Variants in CTCF observed in about 807,000 individuals in gnomAD.
CTCF encodes CCCTC-binding factor.
In CTCF, 7 loss-of-function variants were observed where a neutral mutation model predicts 72.3. The observed-to-expected ratio is 0.10, with a 90% CI of 0.06 to 0.18. The LOEUF is 0.18. CTCF is among the 10% of genes least tolerant of loss of function. The pLI is 1.00. For synonymous variants in CTCF, 374 were observed against 315.8 expected (o/e 1.18, Z -1.95); for missense variants, 516 against 949.1 (o/e 0.54, Z 6.00).
chr16:67,636,752 C>T lies in CTCF; in HGVS notation c.1900C>T (p.Pro634Ser). ...DEEEPAVEIE[P>S]EPEPQPVTPA... is the part of the protein sequence containing the mutation. Reference sequence around the variant, plus strand: ...GGAGGAGCCTGCCGTAGAAATTGAACCTGAGCCAGAGCCTCAGCCTGTGAC... The same window carrying T: ...GGAGGAGCCTGCCGTAGAAATTGAATCTGAGCCAGAGCCTCAGCCTGTGAC... Residue 634 changes from proline (P) to serine (S), a missense_variant, in exon 11 of 12, where the codon CCT becomes TCT. Around this residue, in one of 7 missense-constraint regions of CTCF, gnomAD observed 157 missense variants for 172.9 expected, o/e 0.91. Transcript: ENST00000264010. The T allele has an allele frequency of 6.2e-7, 1 of 1,609,292 alleles. No homozygotes were observed.
chr16:67,603,781 C>G (rs537632860), intron 2 of CTCF, among the ~76,000 whole-genome samples: 1 of 145,860 alleles, frequency 6.9e-6, no homozygotes, highest in African/African-American at 2.6e-5. Flanking sequence ...GCTGAGATCG[C>G]GCCACTGCAC....
intron 10 of CTCF, among the ~76,000 whole-genome samples, chr16:67,633,123 A>T (rs1300385890): frequency 2.0e-5 from 3 of 152,206 alleles, no homozygotes; most frequent in African/African-American, 7.2e-5. Context: ...ACCCTCATTC[A>T]ATGAAGTACT....
rs533085361 is a variant in CTCF at position 67,567,057 on chromosome 16, G to A, written c.-126-4091G>A. ...GGGTTTTGTCATGTTGCCTAGGCTG[G>A]TCTCAAACTCGTGGCCTCAAGCAGT... On this transcript the variant is annotated intron_variant, in intron 1 of 11. Transcript: ENST00000264010. Among the ~76,000 whole-genome samples the A allele has an allele frequency of 5.9e-5, 9 of 151,746 alleles. No homozygotes were observed. The South Asian group carries it at 1.5e-3, about 25-fold the overall frequency.
chr16:67,626,881 A>G (rs2052294966), intron 8 of CTCF, 166 bp downstream of exon 8: 2 of 431,764 alleles, frequency 4.6e-6, no homozygotes, highest in South Asian at 1.1e-4. Flanking sequence ...CAATTGTGTC[A>G]TCCCGGTGTC....
chr16:67,624,469 A>G (rs2052254478), intron 7 of CTCF, among the ~76,000 whole-genome samples: 1 of 151,948 alleles, frequency 6.6e-6, no homozygotes, highest in Admixed American at 6.6e-5. Context: ...CCTTTGAAAC[A>G]CTTTCTTCCC....
intron 2 of CTCF, among the ~76,000 whole-genome samples, chr16:67,595,206 C>T (rs908947377): frequency 6.6e-6 from 1 of 152,166 alleles, no homozygotes; most frequent in African/African-American, 2.4e-5. Flanking sequence ...TCTGTCTCTT[C>T]CTACCACCCT....
At chr16:67,625,493 C>T (rs2052271096) in intron 7 of CTCF, among the ~76,000 whole-genome samples, 2 of 152,222 alleles carry the variant, frequency 1.3e-5, no homozygotes, top group Admixed American at 6.5e-5. Flanking sequence ...AGCCACTGTG[C>T]CTGCCAACTC....
intron 2 of CTCF, among the ~76,000 whole-genome samples, chr16:67,576,617 G>A (rs530424270): frequency 6.4e-4 from 89 of 140,152 alleles, no homozygotes; most frequent in Non-Finnish European, 1.2e-3. Flanking sequence ...GCAGTGGCAC[G>A]ATCTCTGCTC....
intron 5 of CTCF, among the ~76,000 whole-genome samples, chr16:67,619,315 A>G (rs554013383): frequency 1.3e-5 from 2 of 152,268 alleles, no homozygotes; most frequent in South Asian, 4.1e-4. Context: ...GTGCGCCTGT[A>G]GTCTCAGCTA....
chr16:67,568,876 T>C lies in CTCF; in HGVS notation c.-126-2272T>C, dbSNP rs140624253. ...TTTTTGAGACTGAGTCTTGCTCTGT[T>C]GCCCAGGCTGGAGTGCAGTGGTGTG... is the stretch of plus-strand genomic sequence containing the variant. On this transcript the variant is annotated intron_variant, in intron 1 of 11. Transcript: ENST00000264010. Among the ~76,000 whole-genome samples the C allele has an allele frequency of 3.7e-3, 560 of 150,244 alleles. 7 individuals are homozygous for C. Among genetic ancestry groups the C allele is most frequent in the African/African-American group, 0.013 (520 of 40,852 alleles).
rs2142869570 is a variant in CTCF, at chr16:67,629,474, A to G, written c.1778A>G (p.Lys593Arg). The G allele has an allele frequency of 6.2e-7, 1 of 1,613,760 alleles. No individual in the cohort carries two copies. Among genetic ancestry groups the G allele is most frequent in the Non-Finnish European group, 8.5e-7 (1 of 1,179,874 alleles). Residue 593 changes from lysine (K) to arginine (R), a missense_variant, in exon 10 of 12, where the codon AAG becomes AGG. By Grantham distance (26) the Lys-to-Arg change is conservative. Transcript: ENST00000264010. ...GGGGAAAATGGAGGAGAAACGAAGA[A>G]GAGTAAACGTGGAAGAAAAAGAAAG... ...VEGENGGETK[K>R]SKRGRKRKMR...
At chr16:67,606,591 G>T (rs1398545866) in intron 2 of CTCF, among the ~76,000 whole-genome samples, 1 of 152,052 alleles carries the variant, frequency 6.6e-6, no homozygotes, top group Non-Finnish European at 1.5e-5. Context: ...CTCTCAGGTG[G>T]TCCTGGCTTA....
intron 9 of CTCF, 130 bp downstream of exon 9, chr16:67,628,682 G>A: frequency 1.1e-6 from 1 of 903,900 alleles, no homozygotes; most frequent in Non-Finnish European, 1.7e-6. Flanking sequence ...GAAAGGGTTA[G>A]TCATCCCCAT....
chr16:67,576,471 C>T (rs973890122), intron 2 of CTCF, among the ~76,000 whole-genome samples: 2 of 148,206 alleles, frequency 1.3e-5, no homozygotes, highest in African/African-American at 5.0e-5. Flanking sequence ...TAGATTAAAG[C>T]AGAATTACCA....
chr16:67,634,415 C>T (rs574036428), intron 10 of CTCF, among the ~76,000 whole-genome samples: 1 of 151,992 alleles, frequency 6.6e-6, no homozygotes, highest in Non-Finnish European at 1.5e-5. Flanking sequence ...ACCATGTTGG[C>T]CTGGCTGGTC....
At chr16:67,626,146 T>C (rs1351314233) in intron 7 of CTCF, among the ~76,000 whole-genome samples, 1 of 151,848 alleles carries the variant, frequency 6.6e-6, no homozygotes, top group Non-Finnish European at 1.5e-5. Flanking sequence ...TACTTAAGAA[T>C]CAGGAGAAAT....
intron 4 of CTCF, chr16:67,615,701 C>CT (rs1297813229): frequency 6.6e-6 from 1 of 152,204 alleles, no homozygotes; most frequent in Non-Finnish European, 1.5e-5. Flanking sequence ...AGACTATACA[C>CT]TTTCACAGGA....
intron 2 of CTCF, among the ~76,000 whole-genome samples, chr16:67,597,906 G>A (rs899890198): frequency 6.6e-6 from 1 of 152,148 alleles, no homozygotes; most frequent in African/African-American, 2.4e-5. Flanking sequence ...TCGCTACTTA[G>A]TGAGGTTTTT....
chr16:67,568,766 G>A (rs1323922379), intron 1 of CTCF, among the ~76,000 whole-genome samples: 1 of 152,138 alleles, frequency 6.6e-6, no homozygotes, highest in Admixed American at 6.5e-5. Context: ...CTAGGCTCGA[G>A]CAGTCCTCTG....
Sources: allele counts gnomAD v4.1 joint callset (sites outside exome capture counted in the v4.1 genomes callset), GRCh38; gene constraint gnomAD v4.1.1; regional missense constraint gnomAD v4.1.1; transcripts MANE v1.5; gene names NCBI Gene and HGNC (gene_info 2026-07-23, HGNC 2026-07-21).